The following CFAP299 variants were observed in gnomAD, a reference collection of about 807,000 sequenced individuals.
CFAP299 encodes cilia and flagella associated protein 299, also known as cilia- and flagella-associated protein 299.
A neutral mutation model predicts 27.0 loss-of-function variants in CFAP299; 21 were observed. That is an observed-to-expected ratio of 0.78 (90% CI 0.55 to 1.12). CFAP299 has a LOEUF of 1.12. Among genes scored for constraint, CFAP299 ranks in the 50% most tolerant of loss-of-function variants. CFAP299 has a pLI of 0.00. For missense variants in CFAP299, 310 were observed against 276.6 expected, an observed-to-expected ratio of 1.12 and a Z score of -0.86; for synonymous variants, 104 against 98.1, an observed-to-expected ratio of 1.06 and a Z score of -0.36.
chr4:80,356,561 A>G (rs182960677), intron 1 of CFAP299, among the ~76,000 whole-genome samples: 1 of 152,022 alleles, frequency 6.6e-6, no homozygotes, highest in Non-Finnish European at 1.5e-5. Flanking sequence ...CTCCCTTGTT[A>G]GCTGTATTCC....
chr4:80,561,955 A>T (rs934642257), intron 2 of CFAP299, among the ~76,000 whole-genome samples: 1 of 152,172 alleles, frequency 6.6e-6, no homozygotes, highest in Non-Finnish European at 1.5e-5. Flanking sequence ...TTTTTAAGAC[A>T]TGGACAATGT....
At chr4:80,860,405 A>G (rs1485962988) in intron 3 of CFAP299, among the ~76,000 whole-genome samples, 2 of 151,992 alleles carry the variant, frequency 1.3e-5, no homozygotes, top group African/African-American at 4.8e-5. Context: ...TCTTCTCTCA[A>G]CTCGTCAAAG....
At chr4:80,852,241 A>G (rs905877203) in intron 3 of CFAP299, among the ~76,000 whole-genome samples, 2 of 152,194 alleles carry the variant, frequency 1.3e-5, no homozygotes, top group African/African-American at 2.4e-5. Flanking sequence ...TCCCTTGATC[A>G]GCAGAATCAG....
In CFAP299 at chr4:80,904,026, T is replaced by C. The variant is rs150147936; in HGVS notation, c.476+33891T>C. 2.6e-5 allele frequency among the ~76,000 whole-genome samples: 4 copies of C among 152,314 alleles called. No individual in the cohort carries two copies. In the East Asian group the frequency reaches 7.7e-4, roughly 29 times the overall value. On this transcript the variant is annotated intron_variant, in intron 4 of 5. Coordinates refer to ENST00000358105, the MANE Select transcript of CFAP299 (RefSeq NM_152770.3). Reference sequence around the variant, plus strand: ...AGTCATTTTGAAATAATTCTTTTAATGTTCCTGTGTGTCTTAGACCCTATA... The same window carrying C: ...AGTCATTTTGAAATAATTCTTTTAACGTTCCTGTGTGTCTTAGACCCTATA...
At chr4:80,352,489 C>T (rs1329538154) in intron 1 of CFAP299, among the ~76,000 whole-genome samples, 2 of 152,110 alleles carry the variant, frequency 1.3e-5, no homozygotes, top group African/African-American at 4.8e-5. Context: ...ATCCCTTGAA[C>T]CCAAGAGGCG....
intron 3 of CFAP299, among the ~76,000 whole-genome samples, chr4:80,585,362 G>C (rs1736381120): frequency 6.6e-6 from 1 of 152,134 alleles, no homozygotes; most frequent in African/African-American, 2.4e-5. Context: ...TAAGAAGCTG[G>C]AGAAAAAGAT....
At chr4:80,452,453 C>T (rs1728947880) in intron 2 of CFAP299, among the ~76,000 whole-genome samples, 1 of 152,096 alleles carries the variant, frequency 6.6e-6, no homozygotes, top group South Asian at 2.1e-4. Flanking sequence ...GAATTTATTG[C>T]TCTCTTAGGT....
At chr4:80,536,619 G>A (rs531375701) in intron 2 of CFAP299, among the ~76,000 whole-genome samples, 1 of 152,188 alleles carries the variant, frequency 6.6e-6, no homozygotes, top group East Asian at 1.9e-4. Context: ...GGGAGGAAAG[G>A]GTGGTCCCTT....
intron 2 of CFAP299, among the ~76,000 whole-genome samples, chr4:80,435,401 C>T (rs116377760): frequency 4.6e-3 from 704 of 152,268 alleles, no homozygotes; most frequent in Middle Eastern, 0.014. Context: ...GCTATAGTTA[C>T]TTAATATATG....
At chr4:80,941,196 G>C (rs1055730259) in intron 4 of CFAP299, among the ~76,000 whole-genome samples, 3 of 152,094 alleles carry the variant, frequency 2.0e-5, no homozygotes, top group Non-Finnish European at 4.4e-5. Flanking sequence ...AGAAAAGTCT[G>C]TACATGTTCA....
At chr4:80,487,841 A>G (rs185134218) in intron 2 of CFAP299, among the ~76,000 whole-genome samples, 145 of 152,330 alleles carry the variant, frequency 9.5e-4, no homozygotes, top group African/African-American at 3.2e-3. Flanking sequence ...TAGGTTCATG[A>G]TTCAATACTT....
intron 4 of CFAP299, among the ~76,000 whole-genome samples, chr4:80,918,438 T>C (rs1011288114): frequency 5.3e-5 from 8 of 152,126 alleles, no homozygotes; most frequent in African/African-American, 1.4e-4. Flanking sequence ...TTCCAAAATT[T>C]TGCAAGCTGG....
intron 3 of CFAP299, among the ~76,000 whole-genome samples, chr4:80,725,532 TG>T (rs928732916): frequency 1.1e-4 from 16 of 152,106 alleles, no homozygotes; most frequent in Non-Finnish European, 1.8e-4. Context: ...AATCTCACCA[TG>T]GGGGTATTGT....
intron 3 of CFAP299, among the ~76,000 whole-genome samples, chr4:80,617,026 C>T (rs1738327221): frequency 6.6e-6 from 1 of 151,954 alleles, no homozygotes; most frequent in Non-Finnish European, 1.5e-5. Flanking sequence ...TCCAGCAATT[C>T]CAACTCTTAA....
chr4:80,418,654 T>C (rs569845797), intron 2 of CFAP299, among the ~76,000 whole-genome samples: 2 of 152,292 alleles, frequency 1.3e-5, no homozygotes, highest in South Asian at 4.1e-4. Context: ...CCCCATTCCA[T>C]GGTGGAAGAG....
chr4:80,527,753 A>G (rs546756282), intron 2 of CFAP299, among the ~76,000 whole-genome samples: 218 of 152,114 alleles, frequency 1.4e-3, no homozygotes, highest in African/African-American at 5.1e-3. Context: ...TCAGGTCTTT[A>G]TAGCTTCTTA....
chr4:80,612,678 A>C (rs561804916), intron 3 of CFAP299, among the ~76,000 whole-genome samples: 2 of 152,280 alleles, frequency 1.3e-5, no homozygotes, highest in South Asian at 4.1e-4. Flanking sequence ...CTATTTCAAT[A>C]ATACTCACAC....
rs138647157 is a variant in CFAP299 at position 80,780,053 on chromosome 4, A to G, written c.334-89940A>G. The stretch of plus-strand genomic sequence containing the variant: ...TCTGTCATATTTTTTTCATATTCCT[A>G]CTCTTATTGCCACAATTGTTCATTT... On this transcript the variant is annotated intron_variant, in intron 3 of 5. Transcript: ENST00000358105. 3.3e-3 allele frequency among the ~76,000 whole-genome samples: 499 copies of G among 151,068 alleles called. 1 individual carries two copies. The highest frequency in any genetic ancestry group is 0.011 in the African/African-American group (470 of 41,130).
intron 2 of CFAP299, chr4:80,386,285 TC>T: frequency 8.0e-7 from 1 of 1,243,504 alleles, no homozygotes; most frequent in South Asian, 1.3e-5. Flanking sequence ...CCCTCAGCTG[TC>T]CAGGTACCAC....
Sources: allele counts gnomAD v4.1 joint callset (sites outside exome capture counted in the v4.1 genomes callset), GRCh38; gene constraint gnomAD v4.1.1; transcripts MANE v1.5; gene names NCBI Gene and HGNC (gene_info 2026-07-23, HGNC 2026-07-21).